The following EPC1 variants were observed in gnomAD, a reference collection of about 807,000 sequenced individuals.
EPC1 encodes enhancer of polycomb homolog 1.
In EPC1, 12 loss-of-function variants were observed where a neutral mutation model predicts 98.4. That is an observed-to-expected ratio of 0.12 (90% confidence interval 0.08 to 0.20). The LOEUF (loss-of-function observed/expected upper bound fraction) is 0.20. Ranked by LOEUF, EPC1 falls within the 10% of genes least tolerant of loss-of-function variation. The pLI, the probability that EPC1 is intolerant of heterozygous loss-of-function variation, is 1.00. For missense variants in EPC1, 729 were observed against 990.5 expected (o/e 0.74, Z 3.54); for synonymous variants, 357 against 363.9 (o/e 0.98, Z 0.21).
chr10:32,361,199 G>A (rs918855756), intron 1 of EPC1, among the ~76,000 whole-genome samples: 1 of 152,206 alleles, frequency 6.6e-6, no homozygotes, highest in African/African-American at 2.4e-5. Context: ...TGGCTCTGGA[G>A]TCAAACATGA....
intron 13 of EPC1, among the ~76,000 whole-genome samples, chr10:32,270,844 AAAAAAGAAT>A (rs1337801210): frequency 6.7e-6 from 1 of 149,820 alleles, no homozygotes; most frequent in African/African-American, 2.5e-5. Context: ...AAAAAAAAAA[AAAAAAGAAT>A]AGCTTAGCAT....
At chr10:32,353,986 A>C (rs1222815868) in intron 1 of EPC1, among the ~76,000 whole-genome samples, 2 of 152,206 alleles carry the variant, frequency 1.3e-5, no homozygotes, top group African/African-American at 4.8e-5. Flanking sequence ...TTGGAAAGAA[A>C]ATATTACAGT....
intron 1 of EPC1, among the ~76,000 whole-genome samples, chr10:32,367,384 G>T (rs1238145536): frequency 6.6e-6 from 1 of 152,152 alleles, no homozygotes; most frequent in Non-Finnish European, 1.5e-5. Context: ...TTTTAAAAAG[G>T]CTAGTAAGAG....
intron 1 of EPC1, among the ~76,000 whole-genome samples, chr10:32,366,646 G>GTAT (rs1839611754): frequency 6.6e-6 from 1 of 151,884 alleles, no homozygotes; most frequent in Admixed American, 6.6e-5. Context: ...TAAATATGAG[G>GTAT]TATTATATCA....
chr10:32,316,577 T>C (rs1181274147), intron 1 of EPC1, among the ~76,000 whole-genome samples: 3 of 152,116 alleles, frequency 2.0e-5, no homozygotes, highest in African/African-American at 4.8e-5. Context: ...ACAAAGTACA[T>C]CAATGAAGTT....
In EPC1 at chr10:32,271,885, T is replaced by C. The variant is rs760588461; in HGVS notation, c.2038A>G (p.Thr680Ala). The C allele has an allele frequency of 3.1e-6, 5 of 1,613,972 alleles. No individual in the cohort carries two copies. In the African/African-American group the frequency reaches 4.0e-5, roughly 13 times the overall value. ...CTTGTATGTACAAGTGCTGTTGGTG[T>C]AGTACTACTGAGGTGTAAGCCCTTG... ...VYKGLHLSST[T>A]PTALVHTSPS... is the part of the protein sequence containing the mutation. The change falls in exon 13 of 14, where the codon ACA becomes GCA. Residue 680 changes from threonine (T) to alanine (A), a missense_variant. Coordinates refer to ENST00000319778, the MANE Select transcript of EPC1 (RefSeq NM_001272004.3).
At chr10:32,317,611 C>A (rs1836631758) in intron 1 of EPC1, among the ~76,000 whole-genome samples, 1 of 152,012 alleles carries the variant, frequency 6.6e-6, no homozygotes, top group African/African-American at 2.4e-5. Context: ...CACTGCACTC[C>A]AGCCTGGGTG....
intron 2 of EPC1, among the ~76,000 whole-genome samples, chr10:32,297,858 C>T (rs1253281587): frequency 2.0e-5 from 3 of 151,822 alleles, no homozygotes; most frequent in African/African-American, 4.8e-5. Context: ...AGTGCAGTGG[C>T]GTGATCTCGG....
intron 1 of EPC1, among the ~76,000 whole-genome samples, chr10:32,338,011 T>C (rs1444200106): frequency 6.6e-6 from 1 of 152,248 alleles, no homozygotes; most frequent in Non-Finnish European, 1.5e-5. Flanking sequence ...TTCCATGCGA[T>C]TCATAAGCTG....
intron 2 of EPC1, among the ~76,000 whole-genome samples, chr10:32,304,875 C>T (rs943320365): frequency 4.0e-4 from 58 of 145,922 alleles, no homozygotes; most frequent in African/African-American, 1.3e-3. Flanking sequence ...GCCGAGATCG[C>T]GCCATTGCAC....
chr10:32,280,342 C>T (rs1478215902), intron 10 of EPC1, among the ~76,000 whole-genome samples: 2 of 151,770 alleles, frequency 1.3e-5, no homozygotes, highest in African/African-American at 2.4e-5. Context: ...ATCCCAGCTA[C>T]TTGGGAGGCT....
chr10:32,364,750 T>A (rs894611960), intron 1 of EPC1, among the ~76,000 whole-genome samples: 2 of 152,228 alleles, frequency 1.3e-5, no homozygotes, highest in African/African-American at 2.4e-5. Context: ...AAAGAAACTA[T>A]GCCTTTGGTA....
At chr10:32,371,719 T>C (rs1196745651) in intron 1 of EPC1, among the ~76,000 whole-genome samples, 1 of 151,930 alleles carries the variant, frequency 6.6e-6, no homozygotes, top group Non-Finnish European at 1.5e-5. Context: ...GCCAACATGG[T>C]GAAACCTCAT....
intron 1 of EPC1, among the ~76,000 whole-genome samples, chr10:32,323,633 T>C (rs2132923661): frequency 6.6e-6 from 1 of 152,336 alleles, no homozygotes; most frequent in African/African-American, 2.4e-5. Flanking sequence ...TTACTAATTG[T>C]GACTTGACTT....
intron 6 of EPC1, among the ~76,000 whole-genome samples, chr10:32,290,483 C>CAAAAAAAAA (rs57193296): frequency 2.5e-5 from 1 of 40,158 alleles, no homozygotes; most frequent in African/African-American, 1.3e-4. Flanking sequence ...AAGACTCTGT[C>CAAAAAAAAA]AAAAAAAAAA....
intron 5 of EPC1, chr10:32,292,225 C>T (rs1474911009): frequency 4.9e-6 from 1 of 203,462 alleles, no homozygotes; most frequent in East Asian, 1.3e-4. Flanking sequence ...TATCAATTAA[C>T]TCAAGTCCTA....
intron 1 of EPC1, among the ~76,000 whole-genome samples, chr10:32,323,947 T>A (rs925844554): frequency 3.9e-5 from 6 of 152,226 alleles, no homozygotes; most frequent in African/African-American, 7.2e-5. Flanking sequence ...TTTATTTTTA[T>A]TTTTTTGAGA....
chr10:32,366,559 C>G (rs1246542930), intron 1 of EPC1, among the ~76,000 whole-genome samples: 1 of 151,972 alleles, frequency 6.6e-6, no homozygotes. Flanking sequence ...TCAGATTTTC[C>G]TTATTAAAAT....
intron 13 of EPC1, chr10:32,269,469 A>G: frequency 1.2e-5 from 3 of 242,682 alleles, no homozygotes; most frequent in Admixed American, 1.1e-4. Context: ...GTTTTTAAAA[A>G]GGAAACAAAC....
Sources: allele counts gnomAD v4.1 joint callset (sites outside exome capture counted in the v4.1 genomes callset), GRCh38; gene constraint gnomAD v4.1.1; transcripts MANE v1.5; gene names NCBI Gene and HGNC (gene_info 2026-07-23, HGNC 2026-07-21).